The following APAF1 variants were observed in gnomAD, a reference collection of about 807,000 sequenced individuals.
APAF1 encodes apoptotic protease-activating factor 1.
A neutral mutation model predicts 152.4 loss-of-function variants in APAF1; 91 were observed. The observed-to-expected ratio is 0.60, with a 90% CI of 0.50 to 0.71. The LOEUF (loss-of-function observed/expected upper bound fraction) is 0.71. Ranked by LOEUF, APAF1 falls within the 30% of genes least tolerant of loss-of-function variation. The pLI is 0.00. For synonymous variants in APAF1, 484 were observed against 494.1 expected, an observed-to-expected ratio of 0.98 and a Z score of 0.27; for missense variants, 1,283 against 1,472.0, an observed-to-expected ratio of 0.87 and a Z score of 2.10.
chr12:98,673,726 GT>G (rs2097683393), intron 12 of APAF1, among the ~76,000 whole-genome samples: 1 of 151,994 alleles, frequency 6.6e-6, no homozygotes, highest in Non-Finnish European at 1.5e-5. Context: ...TAGCATTTGA[GT>G]TTCTCTACTG....
At chr12:98,729,151 A>G (rs2097756189) in intron 26 of APAF1, among the ~76,000 whole-genome samples, 1 of 152,250 alleles carries the variant, frequency 6.6e-6, no homozygotes, top group Admixed American at 6.5e-5. Flanking sequence ...GAGTTAGCAG[A>G]GGCTTCACCT....
chr12:98,659,121 G>C lies in APAF1; in HGVS notation c.527-39G>C. 1.9e-6 allele frequency: 3 copies of C among 1,598,058 alleles called. No individual in the cohort carries two copies. The Admixed American group carries it at 5.0e-5, about 27-fold the overall frequency. ...TAAAACCATTTAAAGGAGTACTCCT[G>C]TTGAAAGGCCTTAAGTTCATTATTC... On this transcript the variant is annotated intron_variant, in intron 4 of 26. Coordinates refer to ENST00000551964, the MANE Select transcript of APAF1 (RefSeq NM_181861.2).
intron 11 of APAF1, among the ~76,000 whole-genome samples, 174 bp downstream of exon 11, chr12:98,671,260 A>G (rs2097679782): frequency 6.6e-6 from 1 of 152,086 alleles, no homozygotes; most frequent in Non-Finnish European, 1.5e-5. Flanking sequence ...GAAAGTAGGT[A>G]GGATTGAAGT....
chr12:98,700,268 A>T (rs570420790), intron 17 of APAF1, among the ~76,000 whole-genome samples: 1 of 152,356 alleles, frequency 6.6e-6, no homozygotes, highest in East Asian at 1.9e-4. Flanking sequence ...TGATTTGTCT[A>T]AAGTTACATT....
chr12:98,692,968 T>C (rs1052112831), intron 16 of APAF1, among the ~76,000 whole-genome samples: 9 of 152,208 alleles, frequency 5.9e-5, no homozygotes, highest in Admixed American at 2.0e-4. Flanking sequence ...ATCTCCAAAC[T>C]GCTTTACAAA....
In APAF1 at chr12:98,667,541, T is replaced by C; in HGVS notation, c.1391T>C (p.Phe464Ser). Residue 464 changes from phenylalanine (F) to serine (S), a missense_variant, in exon 10 of 27, where the codon TTT becomes TCT. Transcript: ENST00000551964. Reference protein sequence around the residue: ...QDLHKKIITQFQRYHQPHTLS... With the variant: ...QDLHKKIITQSQRYHQPHTLS... ...CTACATAAGAAGATAATCACTCAGT[T>C]TCAGAGATATCACCAGCCGCATACT... 6.8e-6 allele frequency: 11 copies of C among 1,614,008 alleles called. No homozygotes were observed. Among genetic ancestry groups the C allele is most frequent in the Non-Finnish European group, 9.3e-6 (11 of 1,179,996 alleles).
At position 98,649,668 on chromosome 12, in the gene APAF1, T is replaced by G. The variant is rs144787055; in HGVS notation, c.510T>G (p.Asp170Glu). ...TATTAGCTGCAGAAGCTGTTAGAGATCATTCCCTTTTAGAAGGTAAGTGTC... is the reference window on the plus strand; with the variant it reads ...TATTAGCTGCAGAAGCTGTTAGAGAGCATTCCCTTTTAGAAGGTAAGTGTC... Reference protein sequence around the residue: ...KSVLAAEAVRDHSLLEGCFPG... With the variant: ...KSVLAAEAVREHSLLEGCFPG... The change falls in exon 4 of 27, where the codon GAT (aspartate) becomes GAG (glutamate). Residue 170 changes from aspartate to glutamate, a missense_variant. Physicochemically the swap from Asp to Glu is conservative, Grantham distance 45 (BLOSUM62 2). Transcript: ENST00000551964. 99 of 1,613,970 alleles carry G rather than the reference T, an allele frequency of 6.1e-5. No individual in the cohort carries two copies. The highest frequency in any genetic ancestry group is 7.9e-5 in the Non-Finnish European group (93 of 1,179,910).
chr12:98,654,925 G>A (rs1465590537), intron 4 of APAF1, among the ~76,000 whole-genome samples: 4 of 125,002 alleles, frequency 3.2e-5, no homozygotes, highest in Non-Finnish European at 4.9e-5. Flanking sequence ...AAGGTCAGCA[G>A]ATAAACAAGT....
chr12:98,686,695 G>GTT (rs1345325634), intron 15 of APAF1, 53 bp from the exon 16 acceptor site: 2 of 1,553,454 alleles, frequency 1.3e-6, no homozygotes, highest in Non-Finnish European at 1.8e-6. Flanking sequence ...GATTTCTGAT[G>GTT]TTTCCCCACT....
intron 12 of APAF1, among the ~76,000 whole-genome samples, chr12:98,673,004 C>T (rs1476508050): frequency 3.3e-5 from 5 of 151,606 alleles, no homozygotes; most frequent in South Asian, 2.1e-4. Context: ...GTGATCCACC[C>T]GCCTCAGCCT....
chr12:98,699,466 T>C lies in APAF1; in HGVS notation c.2363T>C (p.Leu788Pro). 1 of 1,614,156 alleles carries C rather than the reference T, an allele frequency of 6.2e-7. No individual in the cohort carries two copies. The highest frequency in any genetic ancestry group is 8.5e-7 in the Non-Finnish European group (1 of 1,180,006). Residue 788 changes from leucine (L) to proline (P), a missense_variant, in exon 17 of 27, where the codon CTA becomes CCA. Physicochemically the swap from Leu to Pro is moderately conservative, Grantham distance 98. Transcript: ENST00000551964. ...AGCATTAATGTGAAACAGTTCTTCCTAAATTTGGAGGACCCTCAAGAGGAT... is the reference window on the plus strand; with the variant it reads ...AGCATTAATGTGAAACAGTTCTTCCCAAATTTGGAGGACCCTCAAGAGGAT... ...RKSINVKQFF[L>P]NLEDPQEDME...
intron 15 of APAF1, among the ~76,000 whole-genome samples, chr12:98,684,838 T>C (rs2097696302): frequency 2.6e-5 from 4 of 152,154 alleles, no homozygotes; most frequent in Admixed American, 2.6e-4. Context: ...ACCTCTGCCA[T>C]GTGGGAGGGG....
rs1162406679 is a variant in APAF1 at position 98,645,457 on chromosome 12, G to C, written c.-420G>C. 6.6e-6 allele frequency: 1 copy of C among 152,316 alleles called. No homozygotes were observed. The highest frequency in any genetic ancestry group is 1.5e-5 in the Non-Finnish European group (1 of 68,128). 9.4% of individuals were successfully genotyped at this position (152,316 alleles called of 1,614,324 possible). On this transcript the variant is annotated 5_prime_UTR_variant, in exon 1 of 27. Transcript: ENST00000551964. The stretch of plus-strand genomic sequence containing the variant: ...TCCCTCCGGGGTGCAGCCGCCGTCG[G>C]GGGAAGGGCGCCACAGGCCGGGAAG...
intron 5 of APAF1, 140 bp downstream of exon 5, chr12:98,659,483 G>A (rs2097662030): frequency 1.1e-6 from 1 of 936,388 alleles, no homozygotes; most frequent in East Asian, 2.6e-5. Context: ...CAGGTGCAGT[G>A]GCTCACGCCT....
At chr12:98,710,704 A>C (rs1219591637) in intron 20 of APAF1, among the ~76,000 whole-genome samples, 1 of 152,194 alleles carries the variant, frequency 6.6e-6, no homozygotes, top group Admixed American at 6.5e-5. Flanking sequence ...GATTACAGGC[A>C]AGAGCTGCCA....
chr12:98,694,672 T>C (rs1169917052), intron 16 of APAF1, among the ~76,000 whole-genome samples: 1 of 152,140 alleles, frequency 6.6e-6, no homozygotes, highest in Non-Finnish European at 1.5e-5. Flanking sequence ...AGGGTTTTTT[T>C]TGAAGTTTTC....
intron 4 of APAF1, among the ~76,000 whole-genome samples, chr12:98,656,708 G>A (rs558375256): frequency 1.3e-5 from 2 of 152,208 alleles, no homozygotes; most frequent in African/African-American, 4.8e-5. Context: ...ATCTGAAACT[G>A]GGCAGTTTCC....
chr12:98,691,714 GT>G (rs896926022), intron 16 of APAF1, among the ~76,000 whole-genome samples: 7 of 151,460 alleles, frequency 4.6e-5, no homozygotes, highest in Admixed American at 2.0e-4. Flanking sequence ...TGACCACCTA[GT>G]TTTTTTGTTT....
In APAF1 at chr12:98,647,081, G is replaced by T. The variant is rs1190597645; in HGVS notation, c.-41-1238G>T. 2.6e-5 allele frequency among the ~76,000 whole-genome samples: 4 copies of T among 151,984 alleles called. No homozygotes were observed. In the East Asian group the frequency reaches 7.7e-4, roughly 29 times the overall value. On this transcript the variant is annotated intron_variant, in intron 1 of 26. Transcript: ENST00000551964. ...TATACAATCTTAATTAAAAAAGGAAGTATTTTATTGTAAGAAATGATAATG... is the reference window on the plus strand; with the variant it reads ...TATACAATCTTAATTAAAAAAGGAATTATTTTATTGTAAGAAATGATAATG...
Sources: allele counts gnomAD v4.1 joint callset (sites outside exome capture counted in the v4.1 genomes callset), GRCh38; gene constraint gnomAD v4.1.1; transcripts MANE v1.5; gene names NCBI Gene and HGNC (gene_info 2026-07-23, HGNC 2026-07-21).